The following FAM13A variants were observed in gnomAD, a reference collection of about 807,000 sequenced individuals.
The protein encoded by FAM13A is protein FAM13A.
A neutral mutation model predicts 129.6 loss-of-function variants in FAM13A; 76 were observed. That is an observed-to-expected ratio of 0.59 (90% CI 0.49 to 0.71). FAM13A has a LOEUF of 0.71. FAM13A is among the 30% of genes least tolerant of loss of function. The probability of loss-of-function intolerance (pLI) is 0.00; values close to 1 mark genes in which losing one functional copy is unlikely to be tolerated. For synonymous variants in FAM13A, 443 were observed against 449.9 expected (o/e 0.98, Z 0.20); for missense variants, 1,108 against 1,249.3 (o/e 0.89, Z 1.70).
Position 88,746,966 on chromosome 4 carries a change from G to A in FAM13A, c.2432C>T (p.Ala811Val), listed in dbSNP as rs762222266. The A allele has an allele frequency of 1.1e-5, 18 of 1,613,544 alleles. No homozygotes were observed. Among genetic ancestry groups the A allele is most frequent in the Non-Finnish European group, 4.2e-6 (5 of 1,179,644 alleles). ...ATGAATGCTTTCATAATATAACAGA[G>A]CTTTCTGCAGAGCCACTTTCTCATT... ...IANEKVALQK[A>V]LLYYESIHGR... Residue 811 changes from alanine (A) to valine (V), a missense_variant, in exon 19 of 24, where the codon GCT becomes GTT. Transcript: ENST00000264344.
At chr4:88,881,001 A>G (rs569735308) in intron 6 of FAM13A, among the ~76,000 whole-genome samples, 1 of 152,204 alleles carries the variant, frequency 6.6e-6, no homozygotes, top group Admixed American at 6.5e-5. Flanking sequence ...GAAGAGTCTG[A>G]GCCTAACCCT....
At chr4:88,818,800 A>G (rs1311000339) in intron 7 of FAM13A, among the ~76,000 whole-genome samples, 1 of 152,202 alleles carries the variant, frequency 6.6e-6, no homozygotes, top group Non-Finnish European at 1.5e-5. Context: ...TAGGAAAAAC[A>G]GAGACTTCTA....
intron 11 of FAM13A, among the ~76,000 whole-genome samples, chr4:88,777,950 C>G (rs1722102115): frequency 6.6e-6 from 1 of 152,130 alleles, no homozygotes. Context: ...TCTAAGACAC[C>G]AAACTTACCT....
At chr4:88,788,851 C>G (rs1454129168) in intron 9 of FAM13A, among the ~76,000 whole-genome samples, 3 of 152,102 alleles carry the variant, frequency 2.0e-5, no homozygotes, top group African/African-American at 7.2e-5. Context: ...GTTTTGAGAA[C>G]TTAACTAATT....
intron 7 of FAM13A, among the ~76,000 whole-genome samples, chr4:88,805,317 G>A (rs1728336847): frequency 6.6e-6 from 1 of 152,134 alleles, no homozygotes; most frequent in Non-Finnish European, 1.5e-5. Flanking sequence ...GCTTTTTACT[G>A]CCTTATTCTA....
At chr4:88,878,343 T>C (rs2150113807) in intron 6 of FAM13A, among the ~76,000 whole-genome samples, 1 of 149,680 alleles carries the variant, frequency 6.7e-6, no homozygotes, top group South Asian at 2.1e-4. Flanking sequence ...TGAGATTCTA[T>C]TTCTGTAAAA....
intron 13 of FAM13A, among the ~76,000 whole-genome samples, chr4:88,760,375 C>T (rs1478221600): frequency 3.5e-5 from 1 of 28,814 alleles, no homozygotes; most frequent in African/African-American, 6.3e-5. Context: ...GAGGCAGAGG[C>T]GGGCGGATCA....
chr4:88,957,931 AGT>A (rs1459483119), intron 4 of FAM13A, among the ~76,000 whole-genome samples: 5 of 152,190 alleles, frequency 3.3e-5, no homozygotes, highest in Non-Finnish European at 5.9e-5. Context: ...TAAGCAGCAA[AGT>A]GTTCAAAATG....
intron 6 of FAM13A, chr4:88,855,923 A>C (rs895806183): frequency 2.0e-5 from 3 of 152,224 alleles, no homozygotes; most frequent in Admixed American, 2.0e-4. Flanking sequence ...GACATGAAGC[A>C]GGAGGGATTT....
chr4:88,988,636 T>C (rs1215375844), intron 4 of FAM13A, among the ~76,000 whole-genome samples: 2 of 152,118 alleles, frequency 1.3e-5, no homozygotes, highest in Non-Finnish European at 2.9e-5. Flanking sequence ...TTTTTCATAT[T>C]ATGAAAACAG....
intron 10 of FAM13A, among the ~76,000 whole-genome samples, chr4:88,786,538 T>C (rs1724000158): frequency 1.3e-5 from 2 of 152,168 alleles, no homozygotes; most frequent in Admixed American, 1.3e-4. Context: ...GAAATGTAAA[T>C]ATCTCCTATA....
chr4:88,786,395 A>C (rs1419673643), intron 10 of FAM13A, among the ~76,000 whole-genome samples: 2 of 152,242 alleles, frequency 1.3e-5, no homozygotes, highest in East Asian at 3.8e-4. Context: ...GAACAGTGTT[A>C]AATGAATAAT....
rs377082526 is a variant in FAM13A at position 89,046,559 on chromosome 4, GAA to G, written c.27+10377_27+10378del. On this transcript the variant is annotated intron_variant, in intron 1 of 23. Transcript: ENST00000264344. ...TACTAATAGAAATTTTTTAAAAAAA[GAA>G]AAGAGTGGCCGGGCACAGTAGCTCA... Among the ~76,000 whole-genome samples, 89 of 152,266 alleles carry G rather than the reference GAA, an allele frequency of 5.8e-4. 1 individual carries two copies. The East Asian group carries it at 0.015, about 26-fold the overall frequency.
chr4:89,027,281 G>C (rs867147952), intron 2 of FAM13A, among the ~76,000 whole-genome samples: 1 of 152,186 alleles, frequency 6.6e-6, no homozygotes, highest in Non-Finnish European at 1.5e-5. Flanking sequence ...GGCTGAGGTG[G>C]AAGGATTGTT....
rs144157873 is a variant in FAM13A at position 88,730,283 on chromosome 4, C to T, written c.2945+1044G>A. 9.6e-3 allele frequency among the ~76,000 whole-genome samples: 1,469 copies of T among 152,322 alleles called. 26 individuals carry two copies. The highest frequency in any genetic ancestry group is 0.034 in the African/African-American group (1,394 of 41,564). On this transcript the variant is annotated intron_variant, in intron 23 of 23. Coordinates refer to ENST00000264344, the MANE Select transcript of FAM13A (RefSeq NM_014883.4). Reference sequence around the variant, plus strand: ...TTCTTTCCTCAGGCTCCTACTGTGACTTTCGGTAAGATTTTTGTGTGCTGT... The same window carrying T: ...TTCTTTCCTCAGGCTCCTACTGTGATTTTCGGTAAGATTTTTGTGTGCTGT...
intron 5 of FAM13A, among the ~76,000 whole-genome samples, chr4:88,912,332 G>C (rs1203913108): frequency 2.0e-5 from 3 of 150,092 alleles, no homozygotes; most frequent in Non-Finnish European, 3.0e-5. Context: ...CCTAGAGCTG[G>C]GGCACCCATC....
At chr4:89,024,658 T>G (rs1290605729) in intron 2 of FAM13A, among the ~76,000 whole-genome samples, 1 of 152,210 alleles carries the variant, frequency 6.6e-6, no homozygotes, top group Non-Finnish European at 1.5e-5. Context: ...TTTGTTGATC[T>G]GAAAAAACTG....
chr4:88,813,599 A>G (rs1485246021), intron 7 of FAM13A, among the ~76,000 whole-genome samples: 1 of 152,192 alleles, frequency 6.6e-6, no homozygotes, highest in African/African-American at 2.4e-5. Flanking sequence ...GTTTGTTAAC[A>G]CAGTTTTAAC....
At chr4:88,902,482 C>T (rs1561291541) in intron 6 of FAM13A, among the ~76,000 whole-genome samples, 1 of 150,802 alleles carries the variant, frequency 6.6e-6, no homozygotes, top group Non-Finnish European at 1.5e-5. Flanking sequence ...TGATTCATCA[C>T]ATAAACAGTA....
Sources: gnomAD v4.1 joint callset for allele counts (sites outside exome capture counted in the v4.1 genomes callset) on GRCh38, gnomAD v4.1.1 for gene constraint, MANE v1.5 for transcripts, NCBI Gene and HGNC (gene_info 2026-07-23, HGNC 2026-07-21) for gene names.